Variants in PHACTR2 observed in about 807,000 individuals in gnomAD.
PHACTR2 encodes phosphatase and actin regulator 2.
PHACTR2 carries 30 observed loss-of-function variants against 76.0 expected under a neutral mutation model. The observed-to-expected ratio is 0.39, with a 90% confidence interval of 0.30 to 0.54. PHACTR2 has a LOEUF of 0.54. PHACTR2 is among the 20% of genes least tolerant of loss of function. The pLI, the probability that PHACTR2 is intolerant of heterozygous loss-of-function variation, is 0.61. For synonymous variants in PHACTR2, 292 were observed against 292.5 expected (o/e 1.00, Z 0.02); for missense variants, 696 against 781.1 (o/e 0.89, Z 1.30).
intron 1 of PHACTR2, among the ~76,000 whole-genome samples, chr6:143,626,976 A>G (rs898808694): frequency 6.6e-6 from 1 of 152,228 alleles, no homozygotes; most frequent in African/African-American, 2.4e-5. Context: ...CTAAAACGTT[A>G]GGTTGATTAT....
At chr6:143,594,179 C>A (rs1775723607) in intron 1 of PHACTR2, among the ~76,000 whole-genome samples, 5 of 152,224 alleles carry the variant, frequency 3.3e-5, no homozygotes, top group Admixed American at 1.3e-4. Context: ...TACCATCAGG[C>A]TACATGTATA....
rs1278196131 is a variant in PHACTR2 at position 143,543,934 on chromosome 6, A to G, written c.217+6727A>G. Among the ~76,000 whole-genome samples the G allele has an allele frequency of 1.3e-5, 2 of 152,202 alleles. No homozygotes were observed. The highest frequency in any genetic ancestry group is 2.9e-5 in the Non-Finnish European group (2 of 68,040). On this transcript the variant is annotated intron_variant, in intron 1 of 11. Transcript: ENST00000367584. The surrounding 1 kb of genome is among the most constrained non-coding windows in gnomAD (Gnocchi z 4.7). ...TGGGACTGTCAGGGCTCAGAAAACA[A>G]TACCGCAAAGCGTGGTGCTTTGATG...
rs750274282 is a variant in PHACTR2 at position 143,549,059 on chromosome 6, G to A, written c.217+11852G>A. On this transcript the variant is annotated intron_variant, in intron 1 of 11. Transcript: ENST00000367584. The surrounding 1 kb of genome is among the most constrained non-coding windows in gnomAD (Gnocchi z 4.2). ...ATGAAGACAGGCATTCTCTCCCCCC[G>A]ACCCAGATTGACATGGTGCCTGATC... Among the ~76,000 whole-genome samples, 11 of 151,902 alleles carry A rather than the reference G, an allele frequency of 7.2e-5. No homozygotes were observed. The highest frequency in any genetic ancestry group is 2.4e-4 in the African/African-American group (10 of 41,388).
chr6:143,795,490 C>T lies in PHACTR2; in HGVS notation c.1845+6580C>T, dbSNP rs1036991932. On this transcript the variant is annotated intron_variant, in intron 11 of 12. Coordinates refer to ENST00000440869, the MANE Select transcript of PHACTR2 (RefSeq NM_001100164.2). This position sits in a 1 kb window ranked among gnomAD's most constrained non-coding sequence, Gnocchi z 4.8. ...AGAGCACTAGAAACAGATATATGTA[C>T]AGTAAAATAGAGATGGCCTGGTTTC... Among the ~76,000 whole-genome samples the T allele has an allele frequency of 1.2e-4, 18 of 152,138 alleles. No homozygotes were observed. Among genetic ancestry groups the T allele is most frequent in the African/African-American group, 3.9e-4 (16 of 41,428 alleles).
chr6:143,811,178 G>A lies in PHACTR2; in HGVS notation c.1922+4045G>A, dbSNP rs1046834047. On this transcript the variant is annotated intron_variant, in intron 12 of 12. Coordinates refer to ENST00000440869, the MANE Select transcript of PHACTR2 (RefSeq NM_001100164.2). This position sits in a 1 kb window ranked among gnomAD's most constrained non-coding sequence, Gnocchi z 4.1. ...ACTAACTTTACTTTTTTCTAAATCA[G>A]TAGTTGATTCTCTCAATGCCACTTT... Among the ~76,000 whole-genome samples the A allele has an allele frequency of 6.6e-6, 1 of 152,142 alleles. No individual in the cohort carries two copies. Among genetic ancestry groups the A allele is most frequent in the Non-Finnish European group, 1.5e-5 (1 of 68,028 alleles).
intron 1 of PHACTR2, among the ~76,000 whole-genome samples, chr6:143,614,857 G>A (rs185114226): frequency 6.6e-6 from 1 of 152,206 alleles, no homozygotes; most frequent in African/African-American, 2.4e-5. Context: ...TATGAGATTG[G>A]GGGTCATGCA....
chr6:143,747,821 A>C (rs910460315), intron 2 of PHACTR2, among the ~76,000 whole-genome samples: 1 of 152,150 alleles, frequency 6.6e-6, no homozygotes, highest in African/African-American at 2.4e-5. Flanking sequence ...AGATGACATG[A>C]CCACATGTTA....
rs1779150814 is a variant in PHACTR2, at chr6:143,750,012, A to G, written c.295+947A>G. ...ATAATAATACAGCTGTTTTCCTGATATATGTTCCTTGCAAAGGACTTAACA... is the reference window on the plus strand; with the variant it reads ...ATAATAATACAGCTGTTTTCCTGATGTATGTTCCTTGCAAAGGACTTAACA... On this transcript the variant is annotated intron_variant, in intron 3 of 12. Transcript: ENST00000440869. The surrounding 1 kb of genome is among the most constrained non-coding windows in gnomAD (Gnocchi z 4.6). Among the ~76,000 whole-genome samples the G allele has an allele frequency of 6.6e-6, 1 of 152,208 alleles. No homozygotes were observed. The highest frequency in any genetic ancestry group is 1.5e-5 in the Non-Finnish European group (1 of 68,034).
At chr6:143,614,984 A>G (rs1464670364) in intron 1 of PHACTR2, among the ~76,000 whole-genome samples, 1 of 152,238 alleles carries the variant, frequency 6.6e-6, no homozygotes, top group Non-Finnish European at 1.5e-5. Flanking sequence ...AGGTACCAAG[A>G]ACATATATAA....
At position 143,772,197 on chromosome 6, in the gene PHACTR2, C is replaced by A. The variant is rs1382233025; in HGVS notation, c.1233-61C>A. On this transcript the variant is annotated intron_variant, in intron 6 of 12. Transcript: ENST00000440869. The surrounding 1 kb of genome is among the most constrained non-coding windows in gnomAD (Gnocchi z 5.4). ...AAACTAGAGCTCTTTTTCTTAGTGTCAGTGCCGCCAAGGGTTGCTCTGAGC... is the reference window on the plus strand; with the variant it reads ...AAACTAGAGCTCTTTTTCTTAGTGTAAGTGCCGCCAAGGGTTGCTCTGAGC... 1.7e-6 allele frequency: 2 copies of A among 1,188,080 alleles called. No homozygotes were observed. Among genetic ancestry groups the A allele is most frequent in the African/African-American group, 1.5e-5 (1 of 66,514 alleles). The allele number at this position is 1,188,080 out of a possible 1,614,324, so 73.6% of individuals were successfully genotyped here. A position where few individuals can be genotyped will look rare whatever the true frequency, so the allele number is the denominator to read the frequency against.
intron 10 of PHACTR2, among the ~76,000 whole-genome samples, chr6:143,788,497 A>G (rs1055525247): frequency 4.6e-5 from 7 of 152,300 alleles, no homozygotes; most frequent in South Asian, 2.1e-4. Context: ...CCTTTATCAC[A>G]GTGCCAGGCA....
At chr6:143,594,095 C>G (rs1775722744) in intron 1 of PHACTR2, among the ~76,000 whole-genome samples, 1 of 152,126 alleles carries the variant, frequency 6.6e-6, no homozygotes, top group South Asian at 2.1e-4. Flanking sequence ...ATAGTGATAC[C>G]ATTGTTTTCT....
chr6:143,560,348 A>G (rs1376057792), intron 1 of PHACTR2, among the ~76,000 whole-genome samples: 3 of 152,224 alleles, frequency 2.0e-5, no homozygotes, highest in Non-Finnish European at 2.9e-5. Context: ...AAACTGAACC[A>G]AGTATTTGAT....
chr6:143,704,519 C>G, intron 1 of PHACTR2, among the ~76,000 whole-genome samples: 1 of 152,294 alleles, frequency 6.6e-6, no homozygotes, highest in South Asian at 2.1e-4. Flanking sequence ...ATAGCGAATG[C>G]CACATTTTAA....
At position 143,618,283 on chromosome 6, in the gene PHACTR2, A is replaced by ACACACACG. The variant is rs112070406; in HGVS notation, c.13+9964_13+9965insACACGCAC. 0.012 allele frequency among the ~76,000 whole-genome samples: 1,770 copies of ACACACACG among 147,572 alleles called. 40 individuals are homozygous for ACACACACG. Among genetic ancestry groups the ACACACACG allele is most frequent in the African/African-American group, 0.041 (1,670 of 40,894 alleles). Reference sequence around the variant, plus strand: ...CACACACACACACACACACACACACACACGCACACTCCAGAATGAGTTTCA... The same window carrying ACACACACG: ...CACACACACACACACACACACACACACACACACGCACGCACACTCCAGAATGAGTTTCA... On this transcript the variant is annotated intron_variant, in intron 1 of 11. Coordinates refer to the PHACTR2 transcript ENST00000305766. The surrounding 1 kb of genome is among the most constrained non-coding windows in gnomAD (Gnocchi z 5.2).
intron 1 of PHACTR2, among the ~76,000 whole-genome samples, chr6:143,568,407 GA>G (rs1022030041): frequency 3.3e-5 from 5 of 152,212 alleles, no homozygotes; most frequent in African/African-American, 7.2e-5. Flanking sequence ...CAAAGCTGTA[GA>G]AACTAGGTAG....
chr6:143,815,569 G>A (rs933709052), intron 12 of PHACTR2, among the ~76,000 whole-genome samples: 7 of 152,168 alleles, frequency 4.6e-5, no homozygotes, highest in African/African-American at 1.2e-4. Flanking sequence ...ACCTTTGTGA[G>A]TAATTATATA....
rs989015455 is a variant in PHACTR2 at position 143,599,288 on chromosome 6, T to C, written c.217+62081T>C. ...TACTTTCGTAGGAGAAAACTAAACT[T>C]TCATTAGGCTATTTAAGGAGATCAG... On this transcript the variant is annotated intron_variant, in intron 1 of 11. Transcript: ENST00000367584. The surrounding 1 kb of genome is among the most constrained non-coding windows in gnomAD (Gnocchi z 4.6). Among the ~76,000 whole-genome samples, 3 of 152,154 alleles carry C rather than the reference T, an allele frequency of 2.0e-5. No individual in the cohort carries two copies. Among genetic ancestry groups the C allele is most frequent in the African/African-American group, 7.2e-5 (3 of 41,438 alleles).
At position 143,738,298 on chromosome 6, in the gene PHACTR2, C is replaced by T. The variant is rs1440300607; in HGVS notation, c.215-10687C>T. Among the ~76,000 whole-genome samples, 3 of 151,870 alleles carry T rather than the reference C, an allele frequency of 2.0e-5. No homozygotes were observed. Among genetic ancestry groups the T allele is most frequent in the South Asian group, 4.2e-4 (2 of 4,800 alleles). On this transcript the variant is annotated intron_variant, in intron 2 of 12. Transcript: ENST00000440869. This position sits in a 1 kb window ranked among gnomAD's most constrained non-coding sequence, Gnocchi z 4.0. ...CCGGGAGGCAGAGGTTGCAGTGAGC[C>T]GAGATTGTGACACTGCACTCCAGCC...
Sources: allele counts gnomAD v4.1 joint callset (sites outside exome capture counted in the v4.1 genomes callset), GRCh38; gene constraint gnomAD v4.1.1; non-coding constraint Gnocchi (gnomAD v3.1); transcripts MANE v1.5; gene names NCBI Gene and HGNC (gene_info 2026-07-23, HGNC 2026-07-21).